DHX33: variants seen among roughly 807,000 people sequenced by gnomAD.
DHX33 encodes the protein DEAH-box helicase 33.
In DHX33, 42 loss-of-function variants were observed where a neutral mutation model predicts 72.5. The observed-to-expected ratio is 0.58, with a 90% CI of 0.45 to 0.75. The LOEUF (loss-of-function observed/expected upper bound fraction) is 0.75. DHX33 is among the 30% of genes least tolerant of loss of function. The pLI, the probability that DHX33 is intolerant of heterozygous loss-of-function variation, is 0.00. For missense variants in DHX33, 842 were observed against 917.5 expected, an observed-to-expected ratio of 0.92 and a Z score of 1.06; for synonymous variants, 358 against 366.1, an observed-to-expected ratio of 0.98 and a Z score of 0.25.
intron 9 of DHX33, among the ~76,000 whole-genome samples, 194 bp downstream of exon 9, chr17:5,450,613 T>G (rs1400906143): frequency 6.6e-6 from 1 of 152,198 alleles, no homozygotes. Flanking sequence ...CCAAATTTCT[T>G]GTGGGTAGGG....
intron 9 of DHX33, 40 bp downstream of exon 9, chr17:5,450,767 T>G (rs201140356): frequency 7.4e-6 from 12 of 1,613,658 alleles, no homozygotes; most frequent in Non-Finnish European, 7.6e-6. Context: ...CGGTTAACTG[T>G]AATGTACAGA....
intron 7 of DHX33, 50 bp from the exon 8 acceptor site, chr17:5,453,718 G>A: frequency 6.2e-7 from 1 of 1,612,612 alleles, no homozygotes; most frequent in Non-Finnish European, 8.5e-7. Flanking sequence ...CTGCCATTGA[G>A]TCAGAACCCC....
intron 4 of DHX33, among the ~76,000 whole-genome samples, chr17:5,460,733 C>G (rs1439386551): frequency 6.6e-6 from 1 of 151,836 alleles, no homozygotes; most frequent in Non-Finnish European, 1.5e-5. Context: ...TCTTGAACTC[C>G]TGACCTCAGG....
At chr17:5,445,615 C>T (rs921711938) in intron 11 of DHX33, among the ~76,000 whole-genome samples, 3 of 152,214 alleles carry the variant, frequency 2.0e-5, no homozygotes, top group East Asian at 1.9e-4. Flanking sequence ...GGTACACACA[C>T]GCTGGACCTA....
chr17:5,444,102 T>C lies in DHX33; in HGVS notation c.*103A>G, dbSNP rs1916537456. 5.1e-6 allele frequency: 7 copies of C among 1,379,720 alleles called. No individual in the cohort carries two copies. The highest frequency in any genetic ancestry group is 4.4e-5 in the South Asian group (3 of 68,252). The allele number at this position is 1,379,720 out of a possible 1,614,324, so 85.5% of individuals were successfully genotyped here. On this transcript the variant is annotated 3_prime_UTR_variant, in exon 12 of 12. Transcript: ENST00000225296. The surrounding 1 kb of genome is among the most constrained non-coding windows in gnomAD (Gnocchi z 4.9). ...CTCCTGGAAGTCAGGCACCTTCAGC[T>C]GATTCCAAGGCTTCTCTAAGCGCCA...
At chr17:5,457,844 C>T (rs1904393614) in intron 4 of DHX33, among the ~76,000 whole-genome samples, 1 of 152,062 alleles carries the variant, frequency 6.6e-6, no homozygotes, top group African/African-American at 2.4e-5. Context: ...GCACCAGCAG[C>T]CATCATTCAT....
intron 6 of DHX33, among the ~76,000 whole-genome samples, chr17:5,454,926 G>C (rs527642682): frequency 6.6e-6 from 1 of 152,298 alleles, no homozygotes; most frequent in Admixed American, 6.5e-5. Context: ...CCCTGACCCT[G>C]TGTGCCCAAG....
At chr17:5,455,884 T>G in intron 5 of DHX33, 113 bp downstream of exon 5, 1 of 1,180,002 alleles carries the variant, frequency 8.5e-7, no homozygotes, top group African/African-American at 1.5e-5. Context: ...ATCTGGCACC[T>G]GGGTATCCCA....
At chr17:5,455,949 C>T (rs1312811255) in intron 5 of DHX33, 48 bp downstream of exon 5, 4 of 1,565,336 alleles carry the variant, frequency 2.6e-6, no homozygotes, top group Admixed American at 3.7e-5. Context: ...CTGGTGGATC[C>T]GTCTGGGTGC....
rs377645589 is a variant in DHX33, at chr17:5,442,250, ATTTTTTTTTTT to A, written c.*1944_*1954del. On this transcript the variant is annotated 3_prime_UTR_variant, in exon 12 of 12. Transcript: ENST00000225296. ...AGCCACTGCGCCCGGCCACCCCCCA[ATTTTTTTTTTT>A]TTTTTTTTTTTTTTACCAGCACTAT... 1.6e-5 allele frequency: 2 copies of A among 121,822 alleles called. No homozygotes were observed. The highest frequency in any genetic ancestry group is 3.4e-5 in the Non-Finnish European group (2 of 58,566). 7.5% of individuals were successfully genotyped at this position (121,822 alleles called of 1,614,324 possible). A position where few individuals can be genotyped will look rare whatever the true frequency, so the allele number is the denominator to read the frequency against.
At chr17:5,451,978 G>A (rs1356273052) in intron 8 of DHX33, among the ~76,000 whole-genome samples, 1 of 149,566 alleles carries the variant, frequency 6.7e-6, no homozygotes, top group African/African-American at 2.5e-5. Context: ...GTGGTTTAGG[G>A]ATACATACGC....
At chr17:5,454,753 T>C (rs543646941) in intron 6 of DHX33, among the ~76,000 whole-genome samples, 2 of 152,332 alleles carry the variant, frequency 1.3e-5, no homozygotes, top group East Asian at 3.9e-4. Flanking sequence ...CAGTGCTCCT[T>C]CCATGCCTCA....
At chr17:5,466,775 G>A (rs1022454701) in intron 1 of DHX33, among the ~76,000 whole-genome samples, 1 of 152,190 alleles carries the variant, frequency 6.6e-6, no homozygotes. Context: ...CTGCACTTCT[G>A]TCTAAGTCCT....
At position 5,463,625 on chromosome 17, in the gene DHX33, G is replaced by A. The variant is rs1469188039; in HGVS notation, c.354C>T (p.Arg118=). 2.5e-6 allele frequency: 4 copies of A among 1,613,892 alleles called. No individual in the cohort carries two copies. The highest frequency in any genetic ancestry group is 3.4e-6 in the Non-Finnish European group (4 of 1,180,000). The change falls in exon 2 of 12, where the codon CGC becomes CGT. Residue 118 remains arginine, a synonymous_variant. Coordinates refer to ENST00000225296, the MANE Select transcript of DHX33 (RefSeq NM_020162.4). Reference sequence around the variant, plus strand: ...GCTGGGTCACAGCAATGATGCCCTGGCGGCTGATCCCTCCTTCATACAGGT... The same window carrying A: ...GCTGGGTCACAGCAATGATGCCCTGACGGCTGATCCCTCCTTCATACAGGT... ...PQYLYEGGIS[R]QGIIAVTQPR... is the part of the protein sequence containing the mutation.
rs751276423 is a variant in DHX33, at chr17:5,456,129, G to C, written c.903C>G (p.Ile301Met). The C allele has an allele frequency of 8.1e-6, 13 of 1,614,152 alleles. No homozygotes were observed. Among genetic ancestry groups the C allele is most frequent in the Non-Finnish European group, 9.3e-6 (11 of 1,180,036 alleles). Reference sequence around the variant, plus strand: ...CTCGGCACGTCTTGCTCATGGCTTCGATCTCCTCCTGCCCAGTGAGGAACA... The same window carrying C: ...CTCGGCACGTCTTGCTCATGGCTTCCATCTCCTCCTGCCCAGTGAGGAACA... Reference protein sequence around the residue: ...ILVFLTGQEEIEAMSKTCRDI... With the variant: ...ILVFLTGQEEMEAMSKTCRDI... Residue 301 changes from isoleucine (I) to methionine (M), a missense_variant, in exon 5 of 12, where the codon ATC (isoleucine) becomes ATG (methionine). By Grantham distance (10) the Ile-to-Met change is conservative. Transcript: ENST00000225296.
chr17:5,452,849 G>T (rs879477460), intron 8 of DHX33, among the ~76,000 whole-genome samples: 3 of 152,226 alleles, frequency 2.0e-5, no homozygotes, highest in African/African-American at 4.8e-5. Context: ...CTGTGAACCT[G>T]AGGATCAGGG....
chr17:5,446,558 TTAAA>T lies in DHX33; in HGVS notation c.1816-2049_1816-2046del, dbSNP rs1432155438. ...AAAGAAAAAAAAAGAAATGAGGAGTTTAAATAAGGCAGCCACATAAAAAGTACTC... is the reference window on the plus strand; with the variant it reads ...AAAGAAAAAAAAAGAAATGAGGAGTTTAAGGCAGCCACATAAAAAGTACTC... On this transcript the variant is annotated intron_variant, in intron 11 of 11. Transcript: ENST00000225296. Among the ~76,000 whole-genome samples, 2 of 152,140 alleles carry T rather than the reference TTAAA, an allele frequency of 1.3e-5. 1 individual carries two copies. Among genetic ancestry groups the T allele is most frequent in the Non-Finnish European group, 2.9e-5 (2 of 68,022 alleles).
chr17:5,451,292 A>G (rs1327131156), intron 8 of DHX33, among the ~76,000 whole-genome samples: 2 of 152,146 alleles, frequency 1.3e-5, no homozygotes, highest in African/African-American at 2.4e-5. Flanking sequence ...TTTTAGTGAG[A>G]CGGGGTTTCA....
Position 5,442,472 on chromosome 17 carries a change from T to C in DHX33, c.*1733A>G, listed in dbSNP as rs967941702. 6.6e-6 allele frequency: 1 copy of C among 152,168 alleles called. No individual in the cohort carries two copies. Among genetic ancestry groups the C allele is most frequent in the African/African-American group, 2.4e-5 (1 of 41,418 alleles). The allele number at this position is 152,168 out of a possible 1,614,324, so 9.4% of individuals were successfully genotyped here. A position where few individuals can be genotyped will look rare whatever the true frequency, so the allele number is the denominator to read the frequency against. On this transcript the variant is annotated 3_prime_UTR_variant, in exon 12 of 12. Coordinates refer to ENST00000225296, the MANE Select transcript of DHX33 (RefSeq NM_020162.4). ...TCAGTAAGATAAGGTATATAGGAGC[T>C]GTCAGATCTTCTTTTGCCCACGTAT...
Sources: allele counts gnomAD v4.1 joint callset (sites outside exome capture counted in the v4.1 genomes callset), GRCh38; gene constraint gnomAD v4.1.1; non-coding constraint Gnocchi (gnomAD v3.1); transcripts MANE v1.5; gene names NCBI Gene and HGNC (gene_info 2026-07-23, HGNC 2026-07-21).